ESYT3: variants seen among roughly 807,000 people sequenced by gnomAD.
ESYT3 encodes the protein extended synaptotagmin 3.
ESYT3 carries 101 observed loss-of-function variants against 111.5 expected under a neutral mutation model. The ratio of observed to expected loss-of-function variants is 0.91; its 90% CI spans 0.77 to 1.07. The LOEUF (loss-of-function observed/expected upper bound fraction) is 1.07, where lower values mean the gene tolerates loss of function less well. Among genes scored for constraint, ESYT3 ranks in the 50% least tolerant of loss-of-function variants. ESYT3 has a pLI of 0.00. For missense variants in ESYT3, 1,097 were observed against 1,109.4 expected, an observed-to-expected ratio of 0.99 and a Z score of 0.16; for synonymous variants, 416 against 446.8, an observed-to-expected ratio of 0.93 and a Z score of 0.87.
chr3:138,459,757 C>T (rs1455412221), intron 5 of ESYT3, among the ~76,000 whole-genome samples, 188 bp from the exon 6 acceptor site: 1 of 152,248 alleles, frequency 6.6e-6, no homozygotes, highest in African/African-American at 2.4e-5. Flanking sequence ...CAAGAGGTGG[C>T]AGCTGTGTCC....
At position 138,435,762 on chromosome 3, in the gene ESYT3, A is replaced by C. The variant is rs1364326246; in HGVS notation, c.327+637A>C. Among the ~76,000 whole-genome samples, 1 of 152,202 alleles carries C rather than the reference A, an allele frequency of 6.6e-6. No individual in the cohort carries two copies. Among genetic ancestry groups the C allele is most frequent in the Non-Finnish European group, 1.5e-5 (1 of 68,030 alleles). The stretch of plus-strand genomic sequence containing the variant: ...CATCTCCTGGGGCGGCATGGGCGGC[A>C]CTACGATTCCTCAAACGCTTCTGGT... On this transcript the variant is annotated intron_variant, in intron 1 of 22. Coordinates refer to ENST00000389567, the MANE Select transcript of ESYT3 (RefSeq NM_031913.5). The surrounding 1 kb of genome is among the most constrained non-coding windows in gnomAD (Gnocchi z 4.8).
At chr3:138,469,155 ACT>A (rs1233282671) in intron 14 of ESYT3, 1 of 592,942 alleles carries the variant, frequency 1.7e-6, no homozygotes, top group Non-Finnish European at 3.0e-6. Flanking sequence ...CAGATTCCAC[ACT>A]GTTTTCATAG....
Position 138,474,329 on chromosome 3 carries a change from C to T in ESYT3, c.2445C>T (p.Thr815=). The stretch of plus-strand genomic sequence containing the variant: ...AGAAGACTTCAGTGAAGCGGAAGAC[C>T]TTGGAACCCCTGTTTGATGAGACGT... The part of the protein sequence containing the change: ...CRKKTSVKRK[T]LEPLFDETFE... The change falls in exon 20 of 23, where the codon ACC becomes ACT. Residue 815 remains threonine, a synonymous_variant. Coordinates refer to ENST00000389567, the MANE Select transcript of ESYT3 (RefSeq NM_031913.5). 6.3e-7 allele frequency: 1 copy of T among 1,598,768 alleles called. No individual in the cohort carries two copies. Among genetic ancestry groups the T allele is most frequent in the Non-Finnish European group, 8.5e-7 (1 of 1,176,136 alleles).
chr3:138,453,565 G>A (rs529586797), intron 2 of ESYT3, among the ~76,000 whole-genome samples: 1 of 152,262 alleles, frequency 6.6e-6, no homozygotes, highest in South Asian at 2.1e-4. Flanking sequence ...CTTTGGAAGG[G>A]GCACATGGAG....
intron 19 of ESYT3, 29 bp from the exon 20 acceptor site, chr3:138,474,192 T>C (rs769196457): frequency 3.1e-6 from 5 of 1,593,698 alleles, no homozygotes; most frequent in Non-Finnish European, 4.3e-6. Context: ...CCTTTTTTTT[T>C]TTTCCTAATG....
chr3:138,463,747 C>T (rs1370288360), intron 8 of ESYT3, among the ~76,000 whole-genome samples: 4 of 152,210 alleles, frequency 2.6e-5, no homozygotes, highest in Admixed American at 2.6e-4. Flanking sequence ...ATGAACTATG[C>T]CTTTCCTAAT....
At chr3:138,466,151 GTCA>G (rs1427536822) in intron 10 of ESYT3, among the ~76,000 whole-genome samples, 1 of 152,206 alleles carries the variant, frequency 6.6e-6, no homozygotes, top group Non-Finnish European at 1.5e-5. Flanking sequence ...TGTCATTTGA[GTCA>G]TCATCTGGGA....
chr3:138,436,452 C>T lies in ESYT3; in HGVS notation c.327+1327C>T, dbSNP rs7613195. On this transcript the variant is annotated intron_variant, in intron 1 of 22. Coordinates refer to ENST00000389567, the MANE Select transcript of ESYT3 (RefSeq NM_031913.5). ...AAAACCCTACCTGCAAATAGAATCACATTCTGAAGAACTGAGAATTAGCAC... is the reference window on the plus strand; with the variant it reads ...AAAACCCTACCTGCAAATAGAATCATATTCTGAAGAACTGAGAATTAGCAC... Among the ~76,000 whole-genome samples the T allele has an allele frequency of 8.8e-3, 1,334 of 152,328 alleles. 22 individuals are homozygous for T. The highest frequency in any genetic ancestry group is 0.03 in the African/African-American group (1,239 of 41,568).
chr3:138,452,606 T>C (rs2032018985), intron 2 of ESYT3, among the ~76,000 whole-genome samples: 1 of 152,182 alleles, frequency 6.6e-6, no homozygotes, highest in Admixed American at 6.5e-5. Flanking sequence ...TGCTGCCAGA[T>C]GTCCCAAGGA....
chr3:138,456,098 C>G (rs1305590763), intron 3 of ESYT3, among the ~76,000 whole-genome samples: 1 of 152,264 alleles, frequency 6.6e-6, no homozygotes, highest in Admixed American at 6.5e-5. Context: ...TCCTGGCTAG[C>G]CCCTGGGCAG....
At chr3:138,442,706 A>C (rs1252679837) in intron 1 of ESYT3, among the ~76,000 whole-genome samples, 1 of 152,238 alleles carries the variant, frequency 6.6e-6, no homozygotes, top group East Asian at 1.9e-4. Flanking sequence ...TGTCTTGTAC[A>C]TATCTGTAGC....
At chr3:138,437,722 A>G (rs1461437074) in intron 1 of ESYT3, among the ~76,000 whole-genome samples, 1 of 152,158 alleles carries the variant, frequency 6.6e-6, no homozygotes, top group Non-Finnish European at 1.5e-5. Context: ...GATTTCAGCC[A>G]AGATGGTAGT....
At chr3:138,474,475 T>A in intron 20 of ESYT3, 123 bp downstream of exon 20, 1 of 1,115,138 alleles carries the variant, frequency 9.0e-7, no homozygotes. Flanking sequence ...GACAACATAG[T>A]CTATGACTTC....
intron 18 of ESYT3, chr3:138,473,297 G>A: frequency 1.5e-6 from 1 of 670,374 alleles, no homozygotes; most frequent in Non-Finnish European, 2.2e-6. Flanking sequence ...GGTCCCAAAA[G>A]GAATCATGAT....
chr3:138,471,789 A>C (rs1560243521), intron 17 of ESYT3, among the ~76,000 whole-genome samples: 1 of 152,106 alleles, frequency 6.6e-6, no homozygotes, highest in Non-Finnish European at 1.5e-5. Flanking sequence ...TATATTTCTT[A>C]ACTTTGGGTT....
intron 12 of ESYT3, 22 bp from the exon 13 acceptor site, chr3:138,468,633 G>A (rs1344199197): frequency 6.2e-7 from 1 of 1,613,634 alleles, no homozygotes; most frequent in Admixed American, 1.7e-5. Context: ...AGTACCCAGT[G>A]AGGGTCTGTG....
intron 2 of ESYT3, 27 bp from the exon 3 acceptor site, chr3:138,455,167 A>G (rs1470296972): frequency 2.5e-6 from 4 of 1,613,564 alleles, no homozygotes; most frequent in African/African-American, 1.3e-5. Flanking sequence ...AGACCTGACT[A>G]CCAAGAGCCT....
intron 2 of ESYT3, among the ~76,000 whole-genome samples, chr3:138,452,667 C>T (rs533666604): frequency 3.0e-4 from 46 of 152,292 alleles, no homozygotes; most frequent in African/African-American, 7.9e-4. Flanking sequence ...GCAGGAATCC[C>T]GACTTCATGG....
chr3:138,449,087 T>TC (rs1553812378), intron 1 of ESYT3, among the ~76,000 whole-genome samples: 75 of 142,614 alleles, frequency 5.3e-4, no homozygotes, highest in African/African-American at 1.9e-3. Flanking sequence ...TTTTTCTTTT[T>TC]TTTTTTTTTT....
Sources: gnomAD v4.1 joint callset for allele counts (sites outside exome capture counted in the v4.1 genomes callset) on GRCh38, gnomAD v4.1.1 for gene constraint, Gnocchi (gnomAD v3.1) non-coding constraint, MANE v1.5 for transcripts, NCBI Gene and HGNC (gene_info 2026-07-23, HGNC 2026-07-21) for gene names.